The following WWOX variants were observed in gnomAD, a reference collection of about 807,000 sequenced individuals.
WWOX encodes WW domain-containing oxidoreductase.
A neutral mutation model predicts 46.2 loss-of-function variants in WWOX; 69 were observed. That is an observed-to-expected ratio of 1.49 (90% confidence interval 1.23 to 1.82). The LOEUF (loss-of-function observed/expected upper bound fraction) is 1.82, where lower values mean the gene tolerates loss of function less well. Among genes scored for constraint, WWOX ranks in the 40% most tolerant of loss-of-function variants. The pLI, the probability that WWOX is intolerant of heterozygous loss-of-function variation, is 0.00. For missense variants in WWOX, 919 were observed against 542.6 expected (o/e 1.69, Z -6.89); for synonymous variants, 359 against 202.6 (o/e 1.77, Z -6.56).
intron 7 of WWOX, among the ~76,000 whole-genome samples, chr16:78,427,888 C>T (rs111837279): frequency 0.14 from 20,627 of 152,102 alleles, 1,663 homozygotes; most frequent in East Asian, 0.21. Flanking sequence ...GCCAGCATGG[C>T]GAAACCCCAT....
intron 8 of WWOX, among the ~76,000 whole-genome samples, chr16:78,547,507 C>T (rs146020544): frequency 1.3e-5 from 2 of 152,204 alleles, no homozygotes; most frequent in Non-Finnish European, 2.9e-5. Context: ...ACAAGTGATT[C>T]TACTTCTCAT....
At chr16:78,897,300 G>A (rs1464580089) in intron 8 of WWOX, 2 of 142,606 alleles carry the variant, frequency 1.4e-5, no homozygotes, top group African/African-American at 5.3e-5. Flanking sequence ...TTCCCATCAC[G>A]TCGGTAAGTA....
rs564462275 is a variant in WWOX at position 78,310,576 on chromosome 16, C to T, written c.517-76284C>T. Reference sequence around the variant, plus strand: ...GTGGTCACCAGAATGCATGCCACCCCGGTGCTTCTGCATGCAAAGGGTGCG... The same window carrying T: ...GTGGTCACCAGAATGCATGCCACCCTGGTGCTTCTGCATGCAAAGGGTGCG... On this transcript the variant is annotated intron_variant, in intron 5 of 8. Transcript: ENST00000566780. 1.2e-4 allele frequency among the ~76,000 whole-genome samples: 19 copies of T among 152,276 alleles called. No homozygotes were observed. The East Asian group carries it at 2.7e-3, about 22-fold the overall frequency.
At chr16:79,191,492 A>C (rs1326316027) in intron 8 of WWOX, among the ~76,000 whole-genome samples, 1 of 152,166 alleles carries the variant, frequency 6.6e-6, no homozygotes, top group African/African-American at 2.4e-5. Context: ...CAACTGCACA[A>C]AGAATGGGCT....
intron 8 of WWOX, among the ~76,000 whole-genome samples, chr16:78,915,053 T>C (rs556063777): frequency 6.6e-6 from 1 of 152,038 alleles, no homozygotes; most frequent in East Asian, 1.9e-4. Context: ...ATCCACAAGT[T>C]CAGGAAAGGG....
At chr16:78,420,694 G>C (rs1014982782) in intron 6 of WWOX, among the ~76,000 whole-genome samples, 24 of 147,238 alleles carry the variant, frequency 1.6e-4, no homozygotes, top group African/African-American at 5.9e-4. Flanking sequence ...TATAAAATTA[G>C]AATGTAGTTA....
chr16:78,535,799 C>G (rs769979528), intron 8 of WWOX, among the ~76,000 whole-genome samples: 1 of 152,076 alleles, frequency 6.6e-6, no homozygotes, highest in Admixed American at 6.5e-5. Context: ...GAAGAGAGAA[C>G]CAGACACAAG....
chr16:78,796,626 T>G (rs2050744318), intron 8 of WWOX, among the ~76,000 whole-genome samples: 2 of 152,248 alleles, frequency 1.3e-5, no homozygotes, highest in Non-Finnish European at 2.9e-5. Flanking sequence ...AGTTTTATTT[T>G]GCCTTTTGGA....
chr16:78,468,330 C>A (rs1367854835), intron 8 of WWOX, among the ~76,000 whole-genome samples: 2 of 151,434 alleles, frequency 1.3e-5, no homozygotes, highest in South Asian at 2.1e-4. Context: ...TGAGGCCCCA[C>A]CTGTGCAGCC....
At chr16:78,816,331 C>T (rs1375474112) in intron 8 of WWOX, among the ~76,000 whole-genome samples, 1 of 151,978 alleles carries the variant, frequency 6.6e-6, no homozygotes, top group South Asian at 2.1e-4. Context: ...CCTGATATAT[C>T]GAGGACTCCA....
intron 5 of WWOX, among the ~76,000 whole-genome samples, chr16:78,213,191 C>T (rs572577014): frequency 9.7e-5 from 14 of 143,888 alleles, no homozygotes; most frequent in African/African-American, 3.4e-4. Flanking sequence ...GCAGAGGCTG[C>T]AGAGAGCTGA....
rs184397327 is a variant in WWOX at position 78,655,455 on chromosome 16, A to G, written c.1056+222703A>G. ...AGAAGTTAGAAGATTTAAATATATG[A>G]ATCTCATCTGAGTGTGCAGCCTTTT... On this transcript the variant is annotated intron_variant, in intron 8 of 8. Coordinates refer to ENST00000566780, the MANE Select transcript of WWOX (RefSeq NM_016373.4). Among the ~76,000 whole-genome samples, 388 of 152,298 alleles carry G rather than the reference A, an allele frequency of 2.5e-3. 5 individuals carry two copies. Among genetic ancestry groups the G allele is most frequent in the African/African-American group, 8.9e-3 (371 of 41,576 alleles).
intron 8 of WWOX, among the ~76,000 whole-genome samples, chr16:78,457,788 C>A (rs566493243): frequency 1.3e-5 from 2 of 151,164 alleles, no homozygotes; most frequent in African/African-American, 4.9e-5. Context: ...TGGTGGCGGG[C>A]GCCTGTAGTC....
At chr16:79,165,220 G>C (rs926333664) in intron 8 of WWOX, among the ~76,000 whole-genome samples, 4 of 151,758 alleles carry the variant, frequency 2.6e-5, no homozygotes, top group Non-Finnish European at 5.9e-5. Flanking sequence ...CAATGCTAGT[G>C]ACCTCATATA....
Position 79,211,841 on chromosome 16 carries a change from T to C in WWOX, c.*45T>C, listed in dbSNP as rs764776286. 8 of 1,611,466 alleles carry C rather than the reference T, an allele frequency of 5.0e-6. No individual in the cohort carries two copies. The Admixed American group carries it at 1.2e-4, about 24-fold the overall frequency. On this transcript the variant is annotated 3_prime_UTR_variant, in exon 9 of 9. Transcript: ENST00000566780. ...GGCACACACACCCGCCCTGTGTGTG[T>C]CCCCTCACGCAAGTGCCAGGGCTGG...
intron 4 of WWOX, among the ~76,000 whole-genome samples, chr16:78,133,336 G>T (rs1021043216): frequency 1.3e-5 from 2 of 152,166 alleles, no homozygotes; most frequent in African/African-American, 4.8e-5. Flanking sequence ...TCTCGGCTCA[G>T]TGCAAGGTCC....
chr16:78,432,210 C>G (rs1269520913), intron 7 of WWOX, among the ~76,000 whole-genome samples: 1 of 151,986 alleles, frequency 6.6e-6, no homozygotes, highest in East Asian at 1.9e-4. Context: ...CTCTGCCTCC[C>G]ATGTTTCAGT....
intron 8 of WWOX, among the ~76,000 whole-genome samples, chr16:78,544,122 C>A (rs17639886): frequency 0.053 from 8,039 of 152,146 alleles, 236 homozygotes; most frequent in Middle Eastern, 0.062. Context: ...AATTTACTTG[C>A]ATATATTGGC....
chr16:78,864,620 C>T (rs779587092), intron 8 of WWOX, among the ~76,000 whole-genome samples: 4 of 152,042 alleles, frequency 2.6e-5, no homozygotes, highest in Non-Finnish European at 5.9e-5. Context: ...TGATGTGATT[C>T]TGGCTGTGTC....
Sources: gnomAD v4.1 joint callset for allele counts (sites outside exome capture counted in the v4.1 genomes callset) on GRCh38, gnomAD v4.1.1 for gene constraint, MANE v1.5 for transcripts, NCBI Gene and HGNC (gene_info 2026-07-23, HGNC 2026-07-21) for gene names.